Variants in CCSER1 observed in about 807,000 individuals in gnomAD.
CCSER1 encodes serine-rich coiled-coil domain-containing protein 1.
In CCSER1, 41 loss-of-function variants were observed where a neutral mutation model predicts 82.0. The observed-to-expected ratio is 0.50, with a 90% CI of 0.39 to 0.65. The LOEUF (loss-of-function observed/expected upper bound fraction) is 0.65. Ranked by LOEUF, CCSER1 falls within the 30% of genes least tolerant of loss-of-function variation. The pLI is 0.00. For synonymous variants in CCSER1, 414 were observed against 383.9 expected (o/e 1.08, Z -0.92); for missense variants, 1,119 against 1,064.2 (o/e 1.05, Z -0.72).
intron 5 of CCSER1, among the ~76,000 whole-genome samples, chr4:90,604,975 AGCCAGCAGCGGCAACTGAGTGAGCTCC>A (rs1001382447): frequency 7.9e-5 from 12 of 151,142 alleles, no homozygotes; most frequent in Admixed American, 2.0e-4. Flanking sequence ...AGGCTGCCCC[AGCCAGCAGCGGCAACTGAGTGAGCTCC>A]GCTTCCACGT....
intron 8 of CCSER1, among the ~76,000 whole-genome samples, chr4:90,894,665 C>T (rs1247989847): frequency 6.6e-6 from 1 of 151,802 alleles, no homozygotes; most frequent in Non-Finnish European, 1.5e-5. Flanking sequence ...TTTCCTCCTC[C>T]TTCCTCACAT....
chr4:90,130,436 A>G (rs1560657036), intron 1 of CCSER1, among the ~76,000 whole-genome samples: 2 of 152,198 alleles, frequency 1.3e-5, no homozygotes, highest in Admixed American at 6.5e-5. Flanking sequence ...ATGTTAAAGG[A>G]TAAGCAGGAT....
intron 10 of CCSER1, among the ~76,000 whole-genome samples, chr4:91,567,627 T>C (rs2110273375): frequency 6.6e-6 from 1 of 152,174 alleles, no homozygotes; most frequent in East Asian, 1.9e-4. Context: ...TTTGCCATTA[T>C]GTAATGCCCT....
At chr4:91,261,389 T>C (rs930706592) in intron 10 of CCSER1, among the ~76,000 whole-genome samples, 1 of 152,206 alleles carries the variant, frequency 6.6e-6, no homozygotes, top group Non-Finnish European at 1.5e-5. Context: ...TTTAATTGCT[T>C]CTCTTATGAC....
intron 9 of CCSER1, among the ~76,000 whole-genome samples, chr4:91,077,412 T>C (rs1278316696): frequency 6.6e-6 from 1 of 151,988 alleles, no homozygotes; most frequent in Non-Finnish European, 1.5e-5. Context: ...CAATAAAAAA[T>C]TACTGGACAT....
intron 5 of CCSER1, among the ~76,000 whole-genome samples, chr4:90,487,597 C>A (rs1380407717): frequency 1.3e-5 from 2 of 152,152 alleles, no homozygotes; most frequent in African/African-American, 2.4e-5. Flanking sequence ...CCTCAATAAG[C>A]ATGTATGGAA....
intron 3 of CCSER1, among the ~76,000 whole-genome samples, chr4:90,326,291 A>C (rs1026318539): frequency 3.3e-5 from 5 of 151,718 alleles, no homozygotes; most frequent in Non-Finnish European, 5.9e-5. Flanking sequence ...CCATCTCCTG[A>C]CCTCGTGATC....
At chr4:90,725,666 G>A (rs1359969135) in intron 7 of CCSER1, among the ~76,000 whole-genome samples, 1 of 151,448 alleles carries the variant, frequency 6.6e-6, no homozygotes, top group Non-Finnish European at 1.5e-5. Flanking sequence ...TTGTCATTGT[G>A]TAAATGAGTA....
At chr4:90,268,795 A>T (rs979375626) in intron 1 of CCSER1, among the ~76,000 whole-genome samples, 1 of 152,118 alleles carries the variant, frequency 6.6e-6, no homozygotes, top group African/African-American at 2.4e-5. Context: ...TCTGTTGCCT[A>T]CAAGAAATGT....
intron 10 of CCSER1, among the ~76,000 whole-genome samples, chr4:91,523,336 T>A (rs150878223): frequency 0.046 from 6,950 of 152,284 alleles, 498 homozygotes; most frequent in African/African-American, 0.15. Context: ...TAAAATTCTC[T>A]TTTATTGTTG....
chr4:90,615,101 A>G (rs953083485), intron 5 of CCSER1, among the ~76,000 whole-genome samples: 2 of 152,204 alleles, frequency 1.3e-5, no homozygotes, highest in Non-Finnish European at 2.9e-5. Context: ...TGATTACAAC[A>G]TGGAACACTG....
At chr4:90,190,913 T>C (rs146749145) in intron 1 of CCSER1, among the ~76,000 whole-genome samples, 1 of 152,184 alleles carries the variant, frequency 6.6e-6, no homozygotes, top group African/African-American at 2.4e-5. Context: ...CATAAAAATA[T>C]TACCAGAAAT....
At chr4:90,572,663 C>G (rs1189254355) in intron 5 of CCSER1, among the ~76,000 whole-genome samples, 2 of 151,586 alleles carry the variant, frequency 1.3e-5, no homozygotes, top group Non-Finnish European at 2.9e-5. Context: ...GTTTTCTTCT[C>G]TGGGATTTCT....
intron 10 of CCSER1, among the ~76,000 whole-genome samples, chr4:91,366,814 C>T (rs1393851600): frequency 3.9e-5 from 6 of 152,184 alleles, no homozygotes; most frequent in Admixed American, 2.6e-4. Flanking sequence ...TGCAGTTTCA[C>T]TATACATCAT....
chr4:91,451,050 C>T (rs1194146819), intron 10 of CCSER1, among the ~76,000 whole-genome samples: 1 of 150,560 alleles, frequency 6.6e-6, no homozygotes, highest in African/African-American at 2.4e-5. Context: ...AAAGCACTGG[C>T]AGATTCAGTG....
intron 4 of CCSER1, among the ~76,000 whole-genome samples, chr4:90,427,143 T>C (rs1384932075): frequency 6.6e-6 from 1 of 152,064 alleles, no homozygotes; most frequent in Non-Finnish European, 1.5e-5. Context: ...TCATGTGTTT[T>C]TCCCTAGTGG....
chr4:91,232,441 A>G (rs1358616114), intron 10 of CCSER1, among the ~76,000 whole-genome samples: 1 of 151,788 alleles, frequency 6.6e-6, no homozygotes. Context: ...AACTATCCAT[A>G]AGATATATTA....
Position 90,400,092 on chromosome 4 carries a change from T to G in CCSER1, c.1566T>G (p.Asp522Glu), listed in dbSNP as rs1752599350. Residue 522 changes from aspartate to glutamate, a missense_variant, in exon 4 of 11, where the codon GAT becomes GAG. By Grantham distance (45) the Asp-to-Glu change is conservative (BLOSUM62 2). Transcript: ENST00000509176. ...TGGATGAAGATGATCTAATGCTTGA[T>G]CTTGAATTTTTAGAGGAACAGAGTC... ...CELDEDDLML[D>E]LEFLEEQSLH... is the part of the protein sequence containing the mutation. The G allele has an allele frequency of 1.9e-6, 3 of 1,607,128 alleles. No homozygotes were observed. Among genetic ancestry groups the G allele is most frequent in the Non-Finnish European group, 2.6e-6 (3 of 1,174,674 alleles).
intron 10 of CCSER1, among the ~76,000 whole-genome samples, chr4:91,498,051 C>G (rs1012274507): frequency 1.3e-5 from 2 of 151,966 alleles, no homozygotes; most frequent in Non-Finnish European, 2.9e-5. Flanking sequence ...AGAAGCACAG[C>G]TTCGCTGTGC....
Sources: gnomAD v4.1 joint callset for allele counts (sites outside exome capture counted in the v4.1 genomes callset) on GRCh38, gnomAD v4.1.1 for gene constraint, MANE v1.5 for transcripts, NCBI Gene and HGNC (gene_info 2026-07-23, HGNC 2026-07-21) for gene names.